The following ELOVL2 variants were observed in gnomAD, a reference collection of about 807,000 sequenced individuals.
The protein encoded by ELOVL2 is very long chain fatty acid elongase 2.
A neutral mutation model predicts 37.7 loss-of-function variants in ELOVL2; 38 were observed. The observed-to-expected ratio is 1.01, with a 90% CI of 0.78 to 1.32. The LOEUF (loss-of-function observed/expected upper bound fraction) is 1.32, where lower values mean the gene tolerates loss of function less well. ELOVL2 is among the 40% of genes most tolerant of loss of function. The probability of loss-of-function intolerance (pLI) is 0.00; values close to 1 mark genes in which losing one functional copy is unlikely to be tolerated. For missense variants in ELOVL2, 352 were observed against 363.6 expected, an observed-to-expected ratio of 0.97 and a Z score of 0.26; for synonymous variants, 115 against 122.3, an observed-to-expected ratio of 0.94 and a Z score of 0.40.
At chr6:11,037,976 A>G (rs545087593) in intron 1 of ELOVL2, among the ~76,000 whole-genome samples, 3 of 152,282 alleles carry the variant, frequency 2.0e-5, no homozygotes, top group Admixed American at 6.5e-5. Flanking sequence ...TTCCATTTTC[A>G]TATGTAATAA....
chr6:10,995,934 A>C (rs1158971204), intron 4 of ELOVL2, among the ~76,000 whole-genome samples: 1 of 152,192 alleles, frequency 6.6e-6, no homozygotes, highest in Admixed American at 6.5e-5. Context: ...AGACTGTCCA[A>C]GGGCAGTCTA....
chr6:11,023,892 T>C (rs1001526595), intron 1 of ELOVL2, among the ~76,000 whole-genome samples: 2 of 152,166 alleles, frequency 1.3e-5, no homozygotes, highest in Non-Finnish European at 2.9e-5. Context: ...GCAAAAAAAT[T>C]GGTGAAACAC....
intron 1 of ELOVL2, among the ~76,000 whole-genome samples, chr6:11,013,728 T>C (rs989583913): frequency 1.3e-5 from 2 of 151,638 alleles, no homozygotes; most frequent in African/African-American, 4.8e-5. Flanking sequence ...GGATGCAGGA[T>C]GGGTTTTTCA....
At chr6:10,999,023 T>C (rs1384448717) in intron 4 of ELOVL2, among the ~76,000 whole-genome samples, 2 of 152,178 alleles carry the variant, frequency 1.3e-5, no homozygotes, top group Non-Finnish European at 2.9e-5. Context: ...TATCCCATAG[T>C]GTACTATCAC....
In ELOVL2 at chr6:11,044,170, G is replaced by A. The variant is rs1256220500; in HGVS notation, c.3+58C>T. ...CTCGGCCCTTTCCCGCCCGGTGCGT[G>A]GGTCCAGGAGAGAAAGAAAGCGCGG... On this transcript the variant is annotated intron_variant, in intron 1 of 7. Coordinates refer to ENST00000354666, the MANE Select transcript of ELOVL2 (RefSeq NM_017770.4). The surrounding 1 kb of genome is among the most constrained non-coding windows in gnomAD (Gnocchi z 5.6). The A allele has an allele frequency of 3.5e-6, 5 of 1,443,868 alleles. No individual in the cohort carries two copies. Among genetic ancestry groups the A allele is most frequent in the Non-Finnish European group, 4.6e-6 (5 of 1,095,602 alleles). 89.4% of individuals were successfully genotyped at this position (1,443,868 alleles called of 1,614,324 possible).
chr6:11,044,226 A>C lies in ELOVL2; in HGVS notation c.3+2T>G. 4 of 1,401,660 alleles carry C rather than the reference A, an allele frequency of 2.9e-6. No homozygotes were observed. Among genetic ancestry groups the C allele is most frequent in the Non-Finnish European group, 3.7e-6 (4 of 1,076,048 alleles). 86.8% of individuals were successfully genotyped at this position (1,401,660 alleles called of 1,614,324 possible). On this transcript the variant is annotated splice_donor_variant, in intron 1 of 7. Coordinates refer to ENST00000354666, the MANE Select transcript of ELOVL2 (RefSeq NM_017770.4). LOFTEE classifies it high-confidence loss of function. This position sits in a 1 kb window ranked among gnomAD's most constrained non-coding sequence, Gnocchi z 5.6. Reference sequence around the variant, plus strand: ...TCGGTGGCGGCGCGCGGCCCCACTCACCATGATCCGCAGCGGCTGTGGCGC... The same window carrying C: ...TCGGTGGCGGCGCGCGGCCCCACTCCCCATGATCCGCAGCGGCTGTGGCGC...
intron 1 of ELOVL2, among the ~76,000 whole-genome samples, chr6:11,027,235 C>G (rs183079912): frequency 3.3e-5 from 5 of 152,178 alleles, no homozygotes; most frequent in Non-Finnish European, 7.4e-5. Context: ...AATTCACTTC[C>G]CATCACACAG....
chr6:11,033,542 T>G (rs1304019888), intron 1 of ELOVL2, among the ~76,000 whole-genome samples: 1 of 152,250 alleles, frequency 6.6e-6, no homozygotes, highest in Admixed American at 6.5e-5. Context: ...TATGTAGAGC[T>G]CTTAAGATTT....
intron 3 of ELOVL2, among the ~76,000 whole-genome samples, chr6:11,002,858 A>G (rs1231428994): frequency 6.6e-6 from 1 of 152,226 alleles, no homozygotes; most frequent in Non-Finnish European, 1.5e-5. Flanking sequence ...CTTCCTATTC[A>G]GTGCCTAGGA....
chr6:11,029,381 A>C (rs1157031821), intron 1 of ELOVL2, among the ~76,000 whole-genome samples: 1 of 152,208 alleles, frequency 6.6e-6, no homozygotes, highest in Non-Finnish European at 1.5e-5. Context: ...CATTCTCTAT[A>C]AAATGAGAAT....
Position 10,986,357 on chromosome 6 carries a change from T to C in ELOVL2, c.766-2451A>G, listed in dbSNP as rs529551729. On this transcript the variant is annotated intron_variant, in intron 7 of 7. Transcript: ENST00000354666. ...CCCTTTATTTCCTTCTCCTGCCTAA[T>C]TGCCCTGGCCAGAACTTCCAACACT... 2.9e-3 allele frequency among the ~76,000 whole-genome samples: 447 copies of C among 152,336 alleles called. 1 individual carries two copies. Among genetic ancestry groups the C allele is most frequent in the Non-Finnish European group, 5.0e-3 (337 of 68,028 alleles).
At chr6:11,016,478 A>T (rs1782687486) in intron 1 of ELOVL2, among the ~76,000 whole-genome samples, 1 of 152,240 alleles carries the variant, frequency 6.6e-6, no homozygotes, top group African/African-American at 2.4e-5. Context: ...CTAAATGTGA[A>T]GTATTCAATG....
chr6:11,023,865 C>T (rs1782803562), intron 1 of ELOVL2, among the ~76,000 whole-genome samples: 1 of 152,112 alleles, frequency 6.6e-6, no homozygotes, highest in Admixed American at 6.5e-5. Flanking sequence ...AAGAAAAATG[C>T]GGCCTGAGCT....
intron 1 of ELOVL2, among the ~76,000 whole-genome samples, chr6:11,013,717 C>T (rs957160742): frequency 2.0e-5 from 3 of 151,734 alleles, no homozygotes; most frequent in Non-Finnish European, 4.4e-5. Flanking sequence ...TACAGGCGTG[C>T]GGATGCAGGA....
chr6:11,008,725 C>T (rs1342082213), intron 2 of ELOVL2, among the ~76,000 whole-genome samples: 1 of 152,086 alleles, frequency 6.6e-6, no homozygotes, highest in Non-Finnish European at 1.5e-5. Flanking sequence ...CCTGCCTACC[C>T]CACAGAGTCA....
At chr6:11,033,192 T>C (rs1480978172) in intron 1 of ELOVL2, among the ~76,000 whole-genome samples, 2 of 152,202 alleles carry the variant, frequency 1.3e-5, no homozygotes, top group East Asian at 3.9e-4. Context: ...TATTTAGTTT[T>C]TTACTCCTAC....
intron 7 of ELOVL2, 104 bp from the exon 8 acceptor site, chr6:10,984,010 G>A (rs147383435): frequency 4.4e-5 from 49 of 1,117,586 alleles, no homozygotes; most frequent in East Asian, 4.2e-4. Flanking sequence ...TTTGTTGGGC[G>A]CAGGATTTTC....
In ELOVL2 at chr6:10,997,753, C is replaced by T. The variant is rs182894822; in HGVS notation, c.333+2334G>A. Among the ~76,000 whole-genome samples, 512 of 152,308 alleles carry T rather than the reference C, an allele frequency of 3.4e-3. 1 individual carries two copies. Among genetic ancestry groups the T allele is most frequent in the Non-Finnish European group, 4.3e-3 (291 of 68,024 alleles). On this transcript the variant is annotated intron_variant, in intron 4 of 7. Coordinates refer to ENST00000354666, the MANE Select transcript of ELOVL2 (RefSeq NM_017770.4). ...GAGGGTTCTGTCTACTTCCTACTGCCTCACATCAGGAGGTACGTAATTTCC... is the reference window on the plus strand; with the variant it reads ...GAGGGTTCTGTCTACTTCCTACTGCTTCACATCAGGAGGTACGTAATTTCC...
chr6:11,036,012 T>C (rs1414397101), intron 1 of ELOVL2, among the ~76,000 whole-genome samples: 2 of 152,228 alleles, frequency 1.3e-5, no homozygotes, highest in Admixed American at 1.3e-4. Context: ...AGAGAGCATA[T>C]TTCTTTCCTT....
Sources: gnomAD v4.1 joint callset for allele counts (sites outside exome capture counted in the v4.1 genomes callset) on GRCh38, gnomAD v4.1.1 for gene constraint, Gnocchi (gnomAD v3.1) non-coding constraint, MANE v1.5 for transcripts, NCBI Gene and HGNC (gene_info 2026-07-23, HGNC 2026-07-21) for gene names.